KCNQ5: variants seen among roughly 807,000 people sequenced by gnomAD.
KCNQ5 encodes the protein potassium voltage-gated channel subfamily KQT member 5.
In KCNQ5, 30 loss-of-function variants were observed where a neutral mutation model predicts 98.2. The observed-to-expected ratio is 0.31, with a 90% CI of 0.23 to 0.41. The LOEUF is 0.41. KCNQ5 is among the 10% of genes least tolerant of loss of function. The pLI is 1.00. For missense variants in KCNQ5, 835 were observed against 1,182.5 expected (o/e 0.71, Z 4.31); for synonymous variants, 458 against 449.4 (o/e 1.02, Z -0.24).
intron 1 of KCNQ5, among the ~76,000 whole-genome samples, chr6:72,835,940 A>G (rs1028466522): frequency 3.9e-5 from 6 of 152,220 alleles, no homozygotes; most frequent in Admixed American, 1.3e-4. Context: ...ACATTCACAC[A>G]TCACACTGGT....
At chr6:72,728,376 A>T (rs1770391896) in intron 1 of KCNQ5, among the ~76,000 whole-genome samples, 1 of 152,160 alleles carries the variant, frequency 6.6e-6, no homozygotes, top group South Asian at 2.1e-4. Context: ...GTTCTTCTTG[A>T]TCTGGAGGCC....
At chr6:72,804,459 C>T (rs1436730770) in intron 1 of KCNQ5, among the ~76,000 whole-genome samples, 1 of 152,036 alleles carries the variant, frequency 6.6e-6, no homozygotes, top group East Asian at 1.9e-4. Context: ...TTTCATTTAA[C>T]ATAATGACTC....
At chr6:72,722,636 T>A (rs145755863) in intron 1 of KCNQ5, among the ~76,000 whole-genome samples, 1 of 152,250 alleles carries the variant, frequency 6.6e-6, no homozygotes, top group Non-Finnish European at 1.5e-5. Flanking sequence ...ACTTCACACA[T>A]GTGGCAATCA....
At chr6:72,720,243 T>G (rs192852050) in intron 1 of KCNQ5, among the ~76,000 whole-genome samples, 1 of 152,244 alleles carries the variant, frequency 6.6e-6, no homozygotes, top group Admixed American at 6.5e-5. Context: ...TTCTGGCAAG[T>G]TAGCTGCTTT....
At chr6:73,144,442 T>G (rs996174811) in intron 10 of KCNQ5, among the ~76,000 whole-genome samples, 3 of 152,210 alleles carry the variant, frequency 2.0e-5, no homozygotes, top group Non-Finnish European at 4.4e-5. Flanking sequence ...ACCCTGAGAT[T>G]TGCGTCTTTC....
At chr6:72,805,230 A>T (rs891854144) in intron 1 of KCNQ5, among the ~76,000 whole-genome samples, 3 of 152,114 alleles carry the variant, frequency 2.0e-5, no homozygotes, top group African/African-American at 7.2e-5. Flanking sequence ...TTACTGAAGA[A>T]ATCTTTGCCC....
At chr6:72,875,308 T>A (rs1409572077) in intron 1 of KCNQ5, among the ~76,000 whole-genome samples, 1 of 152,208 alleles carries the variant, frequency 6.6e-6, no homozygotes, top group Non-Finnish European at 1.5e-5. Flanking sequence ...TATCCAATAA[T>A]ATGAATTCTC....
At chr6:72,875,489 A>G (rs1349075152) in intron 1 of KCNQ5, among the ~76,000 whole-genome samples, 1 of 152,184 alleles carries the variant, frequency 6.6e-6, no homozygotes, top group East Asian at 1.9e-4. Flanking sequence ...TCAGATACAC[A>G]TTATTTTGTC....
intron 7 of KCNQ5, among the ~76,000 whole-genome samples, chr6:73,114,941 C>T (rs1043419986): frequency 2.0e-5 from 3 of 152,024 alleles, no homozygotes; most frequent in Non-Finnish European, 2.9e-5. Flanking sequence ...TACCCTAAAG[C>T]GAAGCCACTA....
intron 5 of KCNQ5, among the ~76,000 whole-genome samples, chr6:73,082,786 A>G (rs566055249): frequency 6.6e-6 from 1 of 152,142 alleles, no homozygotes; most frequent in Admixed American, 6.5e-5. Flanking sequence ...CACAAAACAT[A>G]CTGAGGCTTG....
intron 1 of KCNQ5, among the ~76,000 whole-genome samples, chr6:72,854,648 T>A (rs989939907): frequency 6.6e-6 from 1 of 151,184 alleles, no homozygotes; most frequent in East Asian, 2.0e-4. Context: ...ATCTTTTTTA[T>A]AATGTCAAAA....
chr6:72,785,963 A>C (rs2154478033), intron 1 of KCNQ5, among the ~76,000 whole-genome samples: 1 of 152,312 alleles, frequency 6.6e-6, no homozygotes, highest in East Asian at 1.9e-4. Context: ...ACTACCCAAG[A>C]GACATATAAT....
At chr6:72,793,489 A>G (rs975447840) in intron 1 of KCNQ5, among the ~76,000 whole-genome samples, 3 of 152,228 alleles carry the variant, frequency 2.0e-5, no homozygotes, top group Non-Finnish European at 2.9e-5. Flanking sequence ...ATCATGCCCA[A>G]ACATTTACCT....
At chr6:73,092,571 G>T (rs1213320023) in intron 5 of KCNQ5, among the ~76,000 whole-genome samples, 1 of 152,048 alleles carries the variant, frequency 6.6e-6, no homozygotes, top group African/African-American at 2.4e-5. Context: ...ACATTTTATT[G>T]TCATAGATGT....
At chr6:72,648,223 C>A (rs1410088542) in intron 1 of KCNQ5, among the ~76,000 whole-genome samples, 1 of 152,094 alleles carries the variant, frequency 6.6e-6, no homozygotes, top group Non-Finnish European at 1.5e-5. Flanking sequence ...TAGCACTGTA[C>A]ACAAGAACTG....
chr6:73,015,313 C>T (rs551977216), intron 2 of KCNQ5, among the ~76,000 whole-genome samples: 34 of 152,100 alleles, frequency 2.2e-4, no homozygotes, highest in Non-Finnish European at 3.7e-4. Context: ...CAGAGACTAA[C>T]GACCCTCATC....
intron 1 of KCNQ5, among the ~76,000 whole-genome samples, chr6:72,913,700 C>T (rs540794142): frequency 5.6e-4 from 86 of 152,232 alleles, no homozygotes; most frequent in Non-Finnish European, 1.0e-3. Context: ...AAGGAAATAT[C>T]TTCTCTTCCC....
At chr6:73,173,935 A>G (rs970915640) in intron 11 of KCNQ5, among the ~76,000 whole-genome samples, 3 of 152,226 alleles carry the variant, frequency 2.0e-5, no homozygotes, top group Admixed American at 6.5e-5. Context: ...AATTTATCAG[A>G]TATGCACACC....
intron 1 of KCNQ5, among the ~76,000 whole-genome samples, chr6:72,943,438 T>G (rs1766399385): frequency 6.6e-6 from 1 of 152,178 alleles, no homozygotes; most frequent in Non-Finnish European, 1.5e-5. Context: ...GCTCTTAAAA[T>G]TAATCAGGCA....
Sources: gnomAD v4.1 joint callset for allele counts (sites outside exome capture counted in the v4.1 genomes callset) on GRCh38, gnomAD v4.1.1 for gene constraint, MANE v1.5 for transcripts, NCBI Gene and HGNC (gene_info 2026-07-23, HGNC 2026-07-21) for gene names.